Variants in KCNC4 observed in about 807,000 individuals in gnomAD.
The protein encoded by KCNC4 is voltage-gated potassium channel KCNC4.
A neutral mutation model predicts 42.8 loss-of-function variants in KCNC4; 23 were observed. The ratio of observed to expected loss-of-function variants is 0.54; its 90% confidence interval spans 0.39 to 0.76. The LOEUF is 0.76. KCNC4 is among the 30% of genes least tolerant of loss of function. The pLI, the probability that KCNC4 is intolerant of heterozygous loss-of-function variation, is 0.00. For missense variants in KCNC4, 751 were observed against 898.2 expected, an observed-to-expected ratio of 0.84 and a Z score of 2.10; for synonymous variants, 422 against 393.5, an observed-to-expected ratio of 1.07 and a Z score of -0.86.
chr1:110,228,801 G>C (rs1658545263), intron 3 of KCNC4: 1 of 152,712 alleles, frequency 6.5e-6, no homozygotes, highest in Non-Finnish European at 1.5e-5. Flanking sequence ...GGAGCAGGGG[G>C]GAGCAGTCAG....
At chr1:110,222,903 C>G in intron 1 of KCNC4, 61 bp from the exon 2 acceptor site, 1 of 1,299,510 alleles carries the variant, frequency 7.7e-7, no homozygotes, top group Non-Finnish European at 1.1e-6. Context: ...GTCCACGTCC[C>G]CAGCTGGGCC....
At position 110,268,645 on chromosome 1, in the gene KCNC4, AAAG is replaced by A. The variant is rs1347608731; in HGVS notation, n.31-13886_31-13884del. ...AAAAAAAAGAAAAGAAAAGAAAAAA[AAAG>A]AAACCCTAGCCTTGGAATTCTCGGG... On this transcript the variant is annotated intron_variant and non_coding_transcript_variant, in intron 1 of 2. Coordinates refer to the KCNC4 transcript ENST00000412512. Among the ~76,000 whole-genome samples the A allele has an allele frequency of 2.2e-3, 326 of 150,852 alleles. 1 individual carries two copies. Among genetic ancestry groups the A allele is most frequent in the African/African-American group, 7.1e-3 (294 of 41,176 alleles).
chr1:110,271,512 G>A (rs2101086122), intron 1 of KCNC4, among the ~76,000 whole-genome samples: 1 of 152,296 alleles, frequency 6.6e-6, no homozygotes, highest in Non-Finnish European at 1.5e-5. Flanking sequence ...CTAAGTATGG[G>A]AAGCAAGACT....
In KCNC4 at chr1:110,222,944, C is replaced by T; in HGVS notation, c.679-20C>T. The T allele has an allele frequency of 6.3e-7, 1 of 1,590,556 alleles. No homozygotes were observed. Among genetic ancestry groups the T allele is most frequent in the African/African-American group, 1.3e-5 (1 of 74,560 alleles). On this transcript the variant is annotated intron_variant, in intron 1 of 3. Coordinates refer to ENST00000438661, the MANE Select transcript of KCNC4 (RefSeq NM_001039574.3). ...ATCCCTGTCTGACAGCTGCCCCCTG[C>T]TCTCCTCCCCTGCCCATAGGTAGTG...
At chr1:110,265,647 GTCA>G (rs1366871710) in intron 1 of KCNC4, among the ~76,000 whole-genome samples, 3 of 152,150 alleles carry the variant, frequency 2.0e-5, no homozygotes, top group Non-Finnish European at 4.4e-5. Flanking sequence ...AGGCCCAATA[GTCA>G]TCATCTTCCA....
At chr1:110,257,720 C>CAAAAAAAAAAAAAAAAAA (rs56333861) in intron 1 of KCNC4, among the ~76,000 whole-genome samples, 4 of 91,010 alleles carry the variant, frequency 4.4e-5, no homozygotes, top group African/African-American at 2.0e-4. Flanking sequence ...GACTCCGTCT[C>CAAAAAAAAAAAAAAAAAA]AAAAAAAAAA....
chr1:110,232,878 C>A, intron 3 of KCNC4, 33 bp from the exon 4 acceptor site: 1 of 1,599,670 alleles, frequency 6.3e-7, no homozygotes, highest in Non-Finnish European at 8.5e-7. Context: ...AGCGTGCGTC[C>A]CAGTGTCTCA....
At chr1:110,212,476 C>T (rs1176986330) in intron 1 of KCNC4, among the ~76,000 whole-genome samples, 1 of 152,200 alleles carries the variant, frequency 6.6e-6, no homozygotes, top group Non-Finnish European at 1.5e-5. Context: ...GCTCCTCCAC[C>T]CCCTTCTTTG....
At chr1:110,214,923 C>G (rs1419704002) in intron 1 of KCNC4, among the ~76,000 whole-genome samples, 1 of 152,196 alleles carries the variant, frequency 6.6e-6, no homozygotes, top group Admixed American at 6.5e-5. Flanking sequence ...CACTTTCCCC[C>G]CTCCATTTGC....
rs1658783922 is a variant in KCNC4 at position 110,233,100 on chromosome 1, G to GA, written c.*132dup. On this transcript the variant is annotated 3_prime_UTR_variant, in exon 4 of 4. Transcript: ENST00000438661. ...TATCCTTGTTTGCACAGGACTGGTG[G>GA]AAAATCTCCCATGCGACCCTCGGGG... The GA allele has an allele frequency of 3.2e-6, 4 of 1,241,022 alleles. No homozygotes were observed. Among genetic ancestry groups the GA allele is most frequent in the Middle Eastern group, 1.9e-4 (1 of 5,166 alleles). 76.9% of individuals were successfully genotyped at this position (1,241,022 alleles called of 1,614,324 possible).
chr1:110,226,292 C>A, intron 3 of KCNC4, 114 bp downstream of exon 3: 1 of 833,654 alleles, frequency 1.2e-6, no homozygotes, highest in Admixed American at 2.0e-5. Flanking sequence ...GCCATCTCCT[C>A]TGCCTTGGAT....
rs2101073034 is a variant in KCNC4, at chr1:110,258,212, C to T, written n.31-24322C>T. Among the ~76,000 whole-genome samples the T allele has an allele frequency of 1.3e-5, 2 of 152,278 alleles. 1 individual carries two copies. The highest frequency in any genetic ancestry group is 4.2e-4 in the South Asian group (2 of 4,816). On this transcript the variant is annotated intron_variant and non_coding_transcript_variant, in intron 1 of 2. Coordinates refer to the KCNC4 transcript ENST00000412512. ...AGAATCTGTATCTAGATTTGTATTTCTCCTAAGATTTATGAAGGGTTTTTG... is the reference window on the plus strand; with the variant it reads ...AGAATCTGTATCTAGATTTGTATTTTTCCTAAGATTTATGAAGGGTTTTTG...
intron 1 of KCNC4, among the ~76,000 whole-genome samples, chr1:110,276,299 CAAAAAAA>C (rs3062031): frequency 1.8e-3 from 177 of 98,884 alleles, no homozygotes; most frequent in African/African-American, 6.1e-3. Flanking sequence ...TCAATTTATA[CAAAAAAA>C]AAAAAAAAAA....
chr1:110,279,504 C>T (rs1659785386), intron 1 of KCNC4, among the ~76,000 whole-genome samples: 1 of 152,158 alleles, frequency 6.6e-6, no homozygotes, highest in Non-Finnish European at 1.5e-5. Flanking sequence ...ATGCACACTC[C>T]CCACCTGACT....
intron 3 of KCNC4, chr1:110,232,561 G>T: frequency 7.0e-7 from 1 of 1,435,226 alleles, no homozygotes; most frequent in Non-Finnish European, 9.1e-7. Context: ...AGACCTAAGA[G>T]GCTAGTGGTT....
chr1:110,235,085 T>G (rs1199781168), downstream of KCNC4: 1 of 152,416 alleles, frequency 6.6e-6, no homozygotes, highest in Non-Finnish European at 1.5e-5. Flanking sequence ...TTCTGAGATC[T>G]CCGTGTCCAG....
chr1:110,248,380 A>G (rs1414562452), exon 4 of KCNC4: 4 of 152,054 alleles, frequency 2.6e-5, no homozygotes, highest in Non-Finnish European at 4.4e-5. Flanking sequence ...TGACTTTGTC[A>G]TTTGCTATTA....
At chr1:110,215,671 TC>T (rs1484715498) in intron 1 of KCNC4, among the ~76,000 whole-genome samples, 1 of 152,214 alleles carries the variant, frequency 6.6e-6, no homozygotes, top group Admixed American at 6.5e-5. Context: ...AGCAGGGTCT[TC>T]CCCTTTGTTA....
At chr1:110,250,579 G>C (rs912345643), downstream of KCNC4, among the ~76,000 whole-genome samples, 1 of 152,234 alleles carries the variant, frequency 6.6e-6, no homozygotes, top group African/African-American at 2.4e-5. Context: ...CAGGGGCACT[G>C]TCAGTGTGGA....
Sources: gnomAD v4.1 joint callset for allele counts (sites outside exome capture counted in the v4.1 genomes callset) on GRCh38, gnomAD v4.1.1 for gene constraint, MANE v1.5 for transcripts, NCBI Gene and HGNC (gene_info 2026-07-23, HGNC 2026-07-21) for gene names.